The following RALGPS1 variants were observed in gnomAD, a reference collection of about 807,000 sequenced individuals.
RALGPS1 encodes the protein ras-specific guanine nucleotide-releasing factor RalGPS1.
A neutral mutation model predicts 78.8 loss-of-function variants in RALGPS1; 19 were observed. The ratio of observed to expected loss-of-function variants is 0.24; its 90% CI spans 0.17 to 0.35. RALGPS1 has a LOEUF of 0.35. Among genes scored for constraint, RALGPS1 ranks in the 10% least tolerant of loss-of-function variants. The pLI is 1.00. For synonymous variants in RALGPS1, 228 were observed against 256.3 expected, an observed-to-expected ratio of 0.89 and a Z score of 1.06; for missense variants, 454 against 688.3, an observed-to-expected ratio of 0.66 and a Z score of 3.81.
chr9:127,031,265 A>G lies in RALGPS1; in HGVS notation c.217-3166A>G, dbSNP rs146266133. On this transcript the variant is annotated intron_variant, in intron 4 of 18. Transcript: ENST00000259351. ...TTAGTGACTGGAAGAGTTTTGTTCTATTACTTCACATTTTCCTAAACCCAC... is the reference window on the plus strand; with the variant it reads ...TTAGTGACTGGAAGAGTTTTGTTCTGTTACTTCACATTTTCCTAAACCCAC... Among the ~76,000 whole-genome samples the G allele has an allele frequency of 1.1e-4, 16 of 152,332 alleles. No homozygotes were observed. The East Asian group carries it at 3.1e-3, about 29-fold the overall frequency.
intron 14 of RALGPS1, chr9:127,210,878 A>G: frequency 2.8e-6 from 3 of 1,063,764 alleles, no homozygotes; most frequent in Non-Finnish European, 4.1e-6. Context: ...AGAAACAGAC[A>G]CAGCCTTTGC....
chr9:127,004,910 C>G (rs1047842588), intron 4 of RALGPS1, among the ~76,000 whole-genome samples: 33 of 152,308 alleles, frequency 2.2e-4, no homozygotes, highest in Admixed American at 9.2e-4. Context: ...TTTGAAAACT[C>G]AGATTTACCC....
At chr9:126,949,320 A>G (rs866102237) in intron 1 of RALGPS1, among the ~76,000 whole-genome samples, 2,573 of 151,828 alleles carry the variant, frequency 0.017, 29 homozygotes, top group Non-Finnish European at 0.024. Context: ...TCCTTTGGGT[A>G]TATACCCAGT....
At chr9:127,142,582 C>T (rs1481380484) in intron 8 of RALGPS1, among the ~76,000 whole-genome samples, 1 of 152,140 alleles carries the variant, frequency 6.6e-6, no homozygotes, top group African/African-American at 2.4e-5. Context: ...GCAGGAGGGC[C>T]TCCAAGCTCA....
chr9:127,017,942 C>T (rs1030530579), intron 4 of RALGPS1, among the ~76,000 whole-genome samples: 1 of 152,046 alleles, frequency 6.6e-6, no homozygotes, highest in Non-Finnish European at 1.5e-5. Flanking sequence ...TCTGGCCGGG[C>T]GCTGTGGCTC....
rs1305342956 is a variant in RALGPS1 at position 127,177,915 on chromosome 9, C to T, written c.910+3133C>T. On this transcript the variant is annotated intron_variant, in intron 11 of 18. Transcript: ENST00000259351. ...TTATTAGCCATGTGAGACCAGAAACCAGCAAGCCAGCCAACCTCCAGCATC... is the reference window on the plus strand; with the variant it reads ...TTATTAGCCATGTGAGACCAGAAACTAGCAAGCCAGCCAACCTCCAGCATC... 3.9e-6 allele frequency: 6 copies of T among 1,549,164 alleles called. No homozygotes were observed. In the African/African-American group the frequency reaches 8.2e-5, roughly 21 times the overall value.
At chr9:127,135,259 G>A (rs1247023851) in intron 8 of RALGPS1, among the ~76,000 whole-genome samples, 1 of 152,202 alleles carries the variant, frequency 6.6e-6, no homozygotes, top group Non-Finnish European at 1.5e-5. Flanking sequence ...GGGGTCACAA[G>A]GCCTTGGAAG....
At chr9:127,198,378 A>T (rs145754071) in intron 13 of RALGPS1, among the ~76,000 whole-genome samples, 4 of 152,258 alleles carry the variant, frequency 2.6e-5, no homozygotes, top group Non-Finnish European at 5.9e-5. Flanking sequence ...AGCATTGCGC[A>T]TGGATGCTTG....
chr9:127,023,959 C>T (rs1044784088), intron 4 of RALGPS1, among the ~76,000 whole-genome samples: 2 of 140,438 alleles, frequency 1.4e-5, no homozygotes, highest in African/African-American at 5.6e-5. Context: ...ATTGCTTGAA[C>T]CTGGGAGGCG....
chr9:127,047,734 T>C (rs1218918814), intron 5 of RALGPS1, among the ~76,000 whole-genome samples: 1 of 151,792 alleles, frequency 6.6e-6, no homozygotes, highest in Admixed American at 6.6e-5. Flanking sequence ...ACTAGAAGGA[T>C]GCATACCACA....
At chr9:127,109,627 T>G (rs1350247164) in intron 8 of RALGPS1, among the ~76,000 whole-genome samples, 1 of 152,224 alleles carries the variant, frequency 6.6e-6, no homozygotes, top group Non-Finnish European at 1.5e-5. Flanking sequence ...TTGCTTCACT[T>G]CTATTCTTGG....
intron 8 of RALGPS1, among the ~76,000 whole-genome samples, chr9:127,106,516 A>G (rs1012614086): frequency 1.3e-5 from 2 of 152,194 alleles, no homozygotes; most frequent in Non-Finnish European, 2.9e-5. Context: ...ATTTTAATCT[A>G]TCCTCAATTA....
At chr9:127,163,392 G>T (rs2059126331) in intron 8 of RALGPS1, among the ~76,000 whole-genome samples, 1 of 152,166 alleles carries the variant, frequency 6.6e-6, no homozygotes, top group South Asian at 2.1e-4. Flanking sequence ...TAAATCTGTG[G>T]ATTCAAACTC....
In RALGPS1 at chr9:127,209,898, A is replaced by G. The variant is rs138657417; in HGVS notation, c.1248-2233A>G. Among the ~76,000 whole-genome samples the G allele has an allele frequency of 1.6e-3, 240 of 152,372 alleles. 2 individuals are homozygous for G. Among genetic ancestry groups the G allele is most frequent in the Admixed American group, 3.0e-3 (46 of 15,302 alleles). Reference sequence around the variant, plus strand: ...CTCATCTGACTTTATTAAGTTGATTACATTGTTGTCTGGCCAACGGGCAAG... The same window carrying G: ...CTCATCTGACTTTATTAAGTTGATTGCATTGTTGTCTGGCCAACGGGCAAG... On this transcript the variant is annotated intron_variant, in intron 14 of 18. Transcript: ENST00000259351.
chr9:127,010,922 T>C (rs1564412031), intron 4 of RALGPS1, among the ~76,000 whole-genome samples: 1 of 152,242 alleles, frequency 6.6e-6, no homozygotes. Context: ...ATGTGCTGTC[T>C]CTTTGTGGGA....
At chr9:127,128,079 A>T (rs1376580028) in intron 8 of RALGPS1, among the ~76,000 whole-genome samples, 2 of 134,804 alleles carry the variant, frequency 1.5e-5, no homozygotes, top group African/African-American at 5.7e-5. Context: ...GCTCCCACTT[A>T]TGAATGAGAA....
chr9:127,041,490 T>C (rs1380810703), intron 5 of RALGPS1, among the ~76,000 whole-genome samples: 1 of 152,226 alleles, frequency 6.6e-6, no homozygotes, highest in Non-Finnish European at 1.5e-5. Flanking sequence ...GTGGCTTCAA[T>C]CCTTGCCAGC....
At chr9:127,118,374 C>T (rs2055671159) in intron 8 of RALGPS1, among the ~76,000 whole-genome samples, 1 of 152,204 alleles carries the variant, frequency 6.6e-6, no homozygotes, top group African/African-American at 2.4e-5. Context: ...ACCACAAACT[C>T]CAAGCTGCCT....
chr9:127,032,473 C>A (rs903864057), intron 4 of RALGPS1, among the ~76,000 whole-genome samples: 1 of 152,214 alleles, frequency 6.6e-6, no homozygotes, highest in Non-Finnish European at 1.5e-5. Context: ...AACAACCGTG[C>A]CTCAGTCCTG....
Sources: gnomAD v4.1 joint callset for allele counts (sites outside exome capture counted in the v4.1 genomes callset) on GRCh38, gnomAD v4.1.1 for gene constraint, MANE v1.5 for transcripts, NCBI Gene and HGNC (gene_info 2026-07-23, HGNC 2026-07-21) for gene names.